Variants in ZNF337 observed in about 807,000 individuals in gnomAD.
ZNF337 encodes zinc finger protein 337.
Under a neutral mutation model 12.1 loss-of-function variants are expected in ZNF337, and 8 were observed. The observed-to-expected ratio is 0.66, with a 90% CI of 0.39 to 1.19. The LOEUF is 1.19. Among genes scored for constraint, ZNF337 ranks in the 50% most tolerant of loss-of-function variants. ZNF337 has a pLI of 0.01. For missense variants in ZNF337, 882 were observed against 896.6 expected (o/e 0.98, Z 0.21); for synonymous variants, 336 against 320.0 (o/e 1.05, Z -0.53).
At chr20:25,681,771 GATTT>G (rs2122394592) in intron 4 of ZNF337, among the ~76,000 whole-genome samples, 1 of 152,226 alleles carries the variant, frequency 6.6e-6, no homozygotes, top group African/African-American at 2.4e-5. Context: ...TTACACTTAA[GATTT>G]ATGCATCTTA....
chr20:25,693,811 C>T (rs951379967), intron 1 of ZNF337, among the ~76,000 whole-genome samples: 11 of 152,192 alleles, frequency 7.2e-5, no homozygotes, highest in Non-Finnish European at 1.5e-4. Context: ...GTTGGGCTGT[C>T]CTCCCTTACC....
In ZNF337 at chr20:25,675,814, C is replaced by T; in HGVS notation, c.1474G>A (p.Glu492Lys). 2 of 1,614,060 alleles carry T rather than the reference C, an allele frequency of 1.2e-6. No homozygotes were observed. The highest frequency in any genetic ancestry group is 1.7e-6 in the Non-Finnish European group (2 of 1,180,016). ...HSEEKPYGCR[E>K]CGRRFRDKSS... is the part of the protein sequence containing the mutation. ...TTATCCCGAAACCTTCGCCCACACT[C>T]CCGACATCCATAAGGCTTCTCCTCT... is the stretch of plus-strand genomic sequence containing the variant. The change falls in exon 5 of 5, where the codon GAG becomes AAG. Residue 492 changes from glutamate (E) to lysine (K), a missense_variant. Glu to Lys is a moderately conservative substitution (Grantham distance 56). Transcript: ENST00000252979.
chr20:25,696,740 C>T lies in ZNF337; in HGVS notation c.-50+19G>A. On this transcript the variant is annotated intron_variant, in intron 1 of 4. Coordinates refer to ENST00000252979, the MANE Select transcript of ZNF337 (RefSeq NM_015655.4). ...GGAAGGGCGCGCTGCAGAGAGGGAC[C>T]CGCAGGAGCGCAGCTCACCGGGGCG... The T allele has an allele frequency of 1.0e-6, 1 of 985,484 alleles. No homozygotes were observed. The highest frequency in any genetic ancestry group is 1.2e-6 in the Non-Finnish European group (1 of 829,932). 61.0% of individuals were successfully genotyped at this position (985,484 alleles called of 1,614,324 possible). A position where few individuals can be genotyped will look rare whatever the true frequency, so the allele number is the denominator to read the frequency against.
intron 4 of ZNF337, chr20:25,678,165 C>G (rs1211565872): frequency 6.6e-6 from 1 of 152,034 alleles, no homozygotes; most frequent in Non-Finnish European, 1.5e-5. Flanking sequence ...CCTAAACACT[C>G]TTCGAACTGA....
At position 25,675,474 on chromosome 20, in the gene ZNF337, C is replaced by T. The variant is rs1175483744; in HGVS notation, c.1814G>A (p.Cys605Tyr). 3 of 1,614,062 alleles carry T rather than the reference C, an allele frequency of 1.9e-6. No homozygotes were observed. Among genetic ancestry groups the T allele is most frequent in the Non-Finnish European group, 2.5e-6 (3 of 1,180,044 alleles). The change falls in exon 5 of 5, where the codon TGT (cysteine) becomes TAT (tyrosine). Residue 605 changes from cysteine to tyrosine, a missense_variant. Cys to Tyr is a radical substitution (Grantham distance 194, BLOSUM62 -2). Transcript: ENST00000252979. ...TGACTTCCAGATAAATCCTTGCCCACATTCACTACAGATGAAAGGCTTCTC... is the reference window on the plus strand; with the variant it reads ...TGACTTCCAGATAAATCCTTGCCCATATTCACTACAGATGAAAGGCTTCTC... ...SGEKPFICSE[C>Y]GQGFIWKSNL...
Position 25,685,547 on chromosome 20 carries a change from T to A in ZNF337, c.250+20A>T, listed in dbSNP as rs2065820897. 4 of 1,603,846 alleles carry A rather than the reference T, an allele frequency of 2.5e-6. No individual in the cohort carries two copies. Among genetic ancestry groups the A allele is most frequent in the Non-Finnish European group, 3.4e-6 (4 of 1,170,954 alleles). ...AAGGCGGAGTGCCTTGTGCTCTGTC[T>A]GCCCTGTCTATCCCCTCACCTGCAC... On this transcript the variant is annotated intron_variant, in intron 4 of 4. Coordinates refer to ENST00000252979, the MANE Select transcript of ZNF337 (RefSeq NM_015655.4).
chr20:25,674,936 A>G lies in ZNF337; in HGVS notation c.*96T>C. On this transcript the variant is annotated 3_prime_UTR_variant, in exon 5 of 5. Coordinates refer to ENST00000252979, the MANE Select transcript of ZNF337 (RefSeq NM_015655.4). ...TCTGGATTCTGTCTGCCTCTGTTAT[A>G]TCTTCACGAACAAGTTATGCAGCCT... 1.7e-6 allele frequency: 2 copies of G among 1,148,048 alleles called. No individual in the cohort carries two copies. The highest frequency in any genetic ancestry group is 2.4e-5 in the East Asian group (1 of 41,630). 71.1% of individuals were successfully genotyped at this position (1,148,048 alleles called of 1,614,324 possible). A position where few individuals can be genotyped will look rare whatever the true frequency, so the allele number is the denominator to read the frequency against.
chr20:25,680,834 T>C (rs1193584599), intron 4 of ZNF337: 1 of 152,218 alleles, frequency 6.6e-6, no homozygotes, highest in Non-Finnish European at 1.5e-5. Flanking sequence ...GTAACCTCAC[T>C]TATGAGTTAA....
At chr20:25,692,379 T>C (rs1011444918) in intron 1 of ZNF337, among the ~76,000 whole-genome samples, 1 of 152,122 alleles carries the variant, frequency 6.6e-6, no homozygotes, top group African/African-American at 2.4e-5. Context: ...CTCAGAGAAG[T>C]AGCTGCAGTA....
At chr20:25,692,960 T>C (rs1011250426) in intron 1 of ZNF337, among the ~76,000 whole-genome samples, 4 of 152,230 alleles carry the variant, frequency 2.6e-5, no homozygotes, top group African/African-American at 9.6e-5. Flanking sequence ...GAACTTAAAA[T>C]GGGAGATAAT....
chr20:25,674,998 G>A lies in ZNF337; in HGVS notation c.*34C>T. The A allele has an allele frequency of 6.3e-7, 1 of 1,582,382 alleles. No individual in the cohort carries two copies. The highest frequency in any genetic ancestry group is 1.7e-5 in the Admixed American group (1 of 58,538). On this transcript the variant is annotated 3_prime_UTR_variant, in exon 5 of 5. Coordinates refer to ENST00000252979, the MANE Select transcript of ZNF337 (RefSeq NM_015655.4). ...TGTAACAAAGCAAAGTTACTCTCCT[G>A]AGTGTGTCCTCTGATGGATGGTGAG...
chr20:25,696,283 G>A (rs899185292), intron 1 of ZNF337, among the ~76,000 whole-genome samples: 2 of 152,102 alleles, frequency 1.3e-5, no homozygotes, highest in Admixed American at 6.5e-5. Context: ...ATCAGAGTCG[G>A]AGGGAACCCG....
intron 1 of ZNF337, among the ~76,000 whole-genome samples, chr20:25,695,372 C>G (rs1244464026): frequency 6.6e-6 from 1 of 152,210 alleles, no homozygotes; most frequent in Admixed American, 6.5e-5. Context: ...ATAATAAGAA[C>G]TTTGATCTAC....
intron 1 of ZNF337, among the ~76,000 whole-genome samples, chr20:25,690,166 G>T (rs1041103392): frequency 1.1e-4 from 17 of 152,156 alleles, no homozygotes; most frequent in African/African-American, 4.1e-4. Context: ...CGTGCCTGTA[G>T]TCCTAGCTAC....
At position 25,676,581 on chromosome 20, in the gene ZNF337, T is replaced by C. The variant is rs776454730; in HGVS notation, c.707A>G (p.Tyr236Cys). The part of the protein sequence containing the change: ...HQNTHTGEKS[Y>C]VCSVCGRGFS... ...GCCTCGCCCACACACACTGCACACA[T>C]AGGACTTCTCTCCTGTGTGTGTGTT... The change falls in exon 5 of 5, where the codon TAT (tyrosine) becomes TGT (cysteine). Residue 236 changes from tyrosine (Y) to cysteine (C), a missense_variant. Transcript: ENST00000252979. 1.4e-5 allele frequency: 22 copies of C among 1,614,010 alleles called. No homozygotes were observed. The highest frequency in any genetic ancestry group is 1.3e-5 in the African/African-American group (1 of 74,936).
At chr20:25,677,140 A>T in intron 4 of ZNF337, 103 bp from the exon 5 acceptor site, 1 of 974,876 alleles carries the variant, frequency 1.0e-6, no homozygotes, top group Non-Finnish European at 1.5e-6. Context: ...TAATAAACTC[A>T]TAAAGAACAA....
At chr20:25,695,771 G>C (rs969357973) in intron 1 of ZNF337, among the ~76,000 whole-genome samples, 1 of 151,964 alleles carries the variant, frequency 6.6e-6, no homozygotes, top group Non-Finnish European at 1.5e-5. Flanking sequence ...GGCTGCTCTG[G>C]AACTCCTGGC....
intron 1 of ZNF337, among the ~76,000 whole-genome samples, 182 bp downstream of exon 1, chr20:25,696,577 C>T (rs981365081): frequency 1.3e-5 from 2 of 152,232 alleles, no homozygotes; most frequent in East Asian, 3.9e-4. Context: ...CAAGCCGCAG[C>T]CCCACCGCCC....
chr20:25,683,830 T>C (rs1600441991), intron 4 of ZNF337, among the ~76,000 whole-genome samples: 2 of 152,246 alleles, frequency 1.3e-5, no homozygotes, highest in Admixed American at 6.5e-5. Context: ...AAATACCATT[T>C]GACTCAGCCA....
Sources: allele counts gnomAD v4.1 joint callset (sites outside exome capture counted in the v4.1 genomes callset), GRCh38; gene constraint gnomAD v4.1.1; transcripts MANE v1.5; gene names NCBI Gene and HGNC (gene_info 2026-07-23, HGNC 2026-07-21).